Variants in TRAPPC10 observed in about 807,000 individuals in gnomAD.
TRAPPC10 encodes the protein trafficking protein particle complex subunit 10.
In TRAPPC10, 23 loss-of-function variants were observed where a neutral mutation model predicts 125.5. The observed-to-expected ratio is 0.18, with a 90% CI of 0.13 to 0.26. The LOEUF is 0.26. Ranked by LOEUF, TRAPPC10 falls within the 10% of genes least tolerant of loss-of-function variation. TRAPPC10 has a pLI of 1.00. For missense variants in TRAPPC10, 1,123 were observed against 1,308.4 expected, an observed-to-expected ratio of 0.86 and a Z score of 2.19; for synonymous variants, 509 against 518.0, an observed-to-expected ratio of 0.98 and a Z score of 0.24.
At chr21:44,072,353 G>T (rs538377233) in intron 7 of TRAPPC10, among the ~76,000 whole-genome samples, 2 of 152,216 alleles carry the variant, frequency 1.3e-5, no homozygotes, top group Admixed American at 1.3e-4. Context: ...CTCTGCCGCG[G>T]CTCCGCTGCT....
chr21:44,087,583 G>A lies in TRAPPC10; in HGVS notation c.2540-116G>A, dbSNP rs898631008. 5.3e-5 allele frequency: 47 copies of A among 894,256 alleles called. No individual in the cohort carries two copies. The highest frequency in any genetic ancestry group is 4.7e-5 in the Non-Finnish European group (27 of 570,716). 55.4% of individuals were successfully genotyped at this position (894,256 alleles called of 1,614,324 possible). ...GTTCTTGGGTTTGCCTGCCAGGTGC[G>A]CAGGAGCGGGAGAGGTTGAGCAGTG... is the stretch of plus-strand genomic sequence containing the variant. On this transcript the variant is annotated intron_variant, in intron 16 of 22. Transcript: ENST00000291574. This position sits in a 1 kb window ranked among gnomAD's most constrained non-coding sequence, Gnocchi z 4.6.
At chr21:44,086,532 C>G (rs1008328471) in intron 15 of TRAPPC10, among the ~76,000 whole-genome samples, 2 of 152,174 alleles carry the variant, frequency 1.3e-5, no homozygotes, top group Non-Finnish European at 2.9e-5. Context: ...TGATCATAAT[C>G]CCTGACTTGC....
chr21:44,094,106 A>G lies in TRAPPC10; in HGVS notation c.3041A>G (p.Lys1014Arg), dbSNP rs1220300923. The change falls in exon 20 of 23, where the codon AAG (lysine) becomes AGG (arginine). Residue 1014 changes from lysine (K) to arginine (R), a missense_variant. Around this residue, in one of 4 missense-constraint regions of TRAPPC10, gnomAD observed 840 missense variants for 902.0 expected, o/e 0.93. Coordinates refer to ENST00000291574, the MANE Select transcript of TRAPPC10 (RefSeq NM_003274.5). Reference sequence around the variant, plus strand: ...TCGGTGTTCTTCGTCTGGGAACTCAAGTGGACAGAAGAGCCTCCCCCTTCT... The same window carrying G: ...TCGGTGTTCTTCGTCTGGGAACTCAGGTGGACAGAAGAGCCTCCCCCTTCT... The part of the protein sequence containing the change: ...KQSVFFVWEL[K>R]WTEEPPPSLH... 1 of 1,614,068 alleles carries G rather than the reference A, an allele frequency of 6.2e-7. No individual in the cohort carries two copies. The highest frequency in any genetic ancestry group is 8.5e-7 in the Non-Finnish European group (1 of 1,179,980).
intron 1 of TRAPPC10, among the ~76,000 whole-genome samples, chr21:44,020,212 C>T (rs547075725): frequency 5.9e-5 from 9 of 151,582 alleles, no homozygotes; most frequent in East Asian, 3.9e-4. Flanking sequence ...GCTCCGACTC[C>T]GCCTCCTGGG....
chr21:44,085,544 T>A (rs1361357579), intron 15 of TRAPPC10, among the ~76,000 whole-genome samples: 1 of 151,928 alleles, frequency 6.6e-6, no homozygotes, highest in Non-Finnish European at 1.5e-5. Context: ...TGAAGTAAAT[T>A]AGCTGGGTGT....
chr21:44,016,813 C>T (rs1247786271), intron 1 of TRAPPC10, among the ~76,000 whole-genome samples: 1 of 152,134 alleles, frequency 6.6e-6, no homozygotes, highest in Non-Finnish European at 1.5e-5. Context: ...CGCCCGCCAC[C>T]ACGCCTGGCT....
In TRAPPC10 at chr21:44,094,112, C is replaced by G; in HGVS notation, c.3047C>G (p.Thr1016Arg). 6.2e-7 allele frequency: 1 copy of G among 1,614,112 alleles called. No homozygotes were observed. The highest frequency in any genetic ancestry group is 1.7e-4 in the Middle Eastern group (1 of 6,046). ...TTCTTCGTCTGGGAACTCAAGTGGA[C>G]AGAAGAGCCTCCCCCTTCTCTGCAT... Reference protein sequence around the residue: ...SVFFVWELKWTEEPPPSLHCR... With the variant: ...SVFFVWELKWREEPPPSLHCR... Residue 1016 changes from threonine to arginine, a missense_variant, in exon 20 of 23, where the codon ACA (threonine) becomes AGA (arginine). Physicochemically the swap from Thr to Arg is moderately conservative, Grantham distance 71. Transcript: ENST00000291574.
In TRAPPC10 at chr21:44,087,630, C is replaced by A; in HGVS notation, c.2540-69C>A. On this transcript the variant is annotated intron_variant, in intron 16 of 22. Coordinates refer to ENST00000291574, the MANE Select transcript of TRAPPC10 (RefSeq NM_003274.5). The surrounding 1 kb of genome is among the most constrained non-coding windows in gnomAD (Gnocchi z 4.6). ...AGTGGCCTCACTGCTGGGCCATCAC[C>A]TGCTGTAAGGAAAAGGACAAGTGAA... The A allele has an allele frequency of 7.0e-7, 1 of 1,433,804 alleles. No individual in the cohort carries two copies. The highest frequency in any genetic ancestry group is 9.7e-7 in the Non-Finnish European group (1 of 1,030,552). 88.8% of individuals were successfully genotyped at this position (1,433,804 alleles called of 1,614,324 possible).
intron 14 of TRAPPC10, 79 bp downstream of exon 14, chr21:44,083,381 G>A: frequency 6.7e-7 from 1 of 1,492,426 alleles, no homozygotes; most frequent in Non-Finnish European, 9.0e-7. Context: ...TCTGGAGTGT[G>A]CTGTGAATTG....
intron 1 of TRAPPC10, 142 bp downstream of exon 1, chr21:44,012,702 C>T (rs1014078005): frequency 4.3e-6 from 3 of 690,620 alleles, no homozygotes; most frequent in Admixed American, 6.7e-5. Flanking sequence ...AGGGCTGCGG[C>T]TGAGGCGGGG....
chr21:44,063,792 C>G lies in TRAPPC10; in HGVS notation c.1038+7C>G. 1 of 1,607,014 alleles carries G rather than the reference C, an allele frequency of 6.2e-7. No homozygotes were observed. The highest frequency in any genetic ancestry group is 1.1e-5 in the South Asian group (1 of 90,394). ...GGAACTGAAGCTCTTAGAAGTGAGTCGGCTGTTTTCCCAATTTACCCGTTT... is the reference window on the plus strand; with the variant it reads ...GGAACTGAAGCTCTTAGAAGTGAGTGGGCTGTTTTCCCAATTTACCCGTTT... On this transcript the variant is annotated splice_region_variant and intron_variant, in intron 7 of 22. Transcript: ENST00000291574. This position sits in a 1 kb window ranked among gnomAD's most constrained non-coding sequence, Gnocchi z 4.4.
intron 18 of TRAPPC10, 80 bp downstream of exon 18, chr21:44,090,013 C>A: frequency 8.9e-7 from 1 of 1,120,238 alleles, no homozygotes. Context: ...TCAAAACTGG[C>A]CTTCGTGGTG....
intron 13 of TRAPPC10, among the ~76,000 whole-genome samples, chr21:44,081,005 C>CTTTTTTTTTTCTTTTT (rs2037673502): frequency 2.9e-5 from 3 of 103,868 alleles, no homozygotes; most frequent in Admixed American, 1.0e-4. Flanking sequence ...TATTATTGTT[C>CTTTTTTTTTTCTTTTT]TTTTTTTTTT....
At chr21:44,044,960 A>G (rs543291153) in intron 3 of TRAPPC10, among the ~76,000 whole-genome samples, 2 of 151,686 alleles carry the variant, frequency 1.3e-5, no homozygotes, top group East Asian at 1.9e-4. Flanking sequence ...GCCACTGCAC[A>G]TATTTACCCA....
At chr21:44,066,233 G>A (rs556646705) in intron 7 of TRAPPC10, among the ~76,000 whole-genome samples, 1 of 152,294 alleles carries the variant, frequency 6.6e-6, no homozygotes, top group East Asian at 1.9e-4. Context: ...AGAATAGGAG[G>A]CAACGAAGTG....
chr21:44,066,763 TA>T (rs1450888373), intron 7 of TRAPPC10, among the ~76,000 whole-genome samples: 4 of 152,218 alleles, frequency 2.6e-5, no homozygotes, highest in Admixed American at 6.5e-5. Flanking sequence ...TGTATCCTTA[TA>T]CATACATCTT....
chr21:44,085,277 G>A lies in TRAPPC10; in HGVS notation c.2380+1014G>A, dbSNP rs117665113. ...TTCTAAGGAATTTGGGAGCTAGTATGCCTGGAAATGGGGTTGAAAACTACA... is the reference window on the plus strand; with the variant it reads ...TTCTAAGGAATTTGGGAGCTAGTATACCTGGAAATGGGGTTGAAAACTACA... On this transcript the variant is annotated intron_variant, in intron 15 of 22. Coordinates refer to ENST00000291574, the MANE Select transcript of TRAPPC10 (RefSeq NM_003274.5). 4.3e-4 allele frequency among the ~76,000 whole-genome samples: 65 copies of A among 152,174 alleles called. 1 individual carries two copies. The East Asian group carries it at 0.011, about 25-fold the overall frequency.
At chr21:44,012,604 G>A in intron 1 of TRAPPC10, 44 bp downstream of exon 1, 1 of 1,504,828 alleles carries the variant, frequency 6.6e-7, no homozygotes, top group Non-Finnish European at 9.0e-7. Flanking sequence ...CGTTGGGCGG[G>A]CCCGGGCCCT....
intron 17 of TRAPPC10, chr21:44,089,611 A>C (rs926955743): frequency 1.8e-6 from 1 of 570,312 alleles, no homozygotes; most frequent in Non-Finnish European, 3.3e-6. Context: ...ATGTCTTGCC[A>C]GTTCTGCGTT....
Sources: allele counts gnomAD v4.1 joint callset (sites outside exome capture counted in the v4.1 genomes callset), GRCh38; gene constraint gnomAD v4.1.1; regional missense constraint gnomAD v4.1.1; non-coding constraint Gnocchi (gnomAD v3.1); transcripts MANE v1.5; gene names NCBI Gene and HGNC (gene_info 2026-07-23, HGNC 2026-07-21).